RBFOX1: variants seen among roughly 807,000 people sequenced by gnomAD.
RBFOX1 encodes RNA binding fox-1 homolog 1.
A neutral mutation model predicts 57.7 loss-of-function variants in RBFOX1; 8 were observed. The observed-to-expected ratio is 0.14, with a 90% CI of 0.08 to 0.25. RBFOX1 has a LOEUF of 0.25. RBFOX1 is among the 10% of genes least tolerant of loss of function. RBFOX1 has a pLI of 1.00. For synonymous variants in RBFOX1, 326 were observed against 222.4 expected (o/e 1.47, Z -4.15); for missense variants, 611 against 548.5 (o/e 1.11, Z -1.14).
At chr16:6,819,532 C>G (rs1256707372) in intron 3 of RBFOX1, among the ~76,000 whole-genome samples, 2 of 151,472 alleles carry the variant, frequency 1.3e-5, no homozygotes, top group Non-Finnish European at 2.9e-5. Flanking sequence ...GGAGAAAACC[C>G]ATCTCTACTA....
intron 2 of RBFOX1, among the ~76,000 whole-genome samples, chr16:6,569,060 G>A (rs2097307484): frequency 1.3e-5 from 2 of 152,122 alleles, no homozygotes; most frequent in Admixed American, 1.3e-4. Flanking sequence ...GATAGCTCTT[G>A]GATAATATGC....
At chr16:7,537,488 A>G (rs143371675) in intron 5 of RBFOX1, among the ~76,000 whole-genome samples, 1,558 of 151,810 alleles carry the variant, frequency 0.01, 17 homozygotes, top group Non-Finnish European at 0.016. Context: ...ACTTAGTAAT[A>G]TGTCTGACTC....
At chr16:7,550,287 A>G (rs1053354897) in intron 5 of RBFOX1, among the ~76,000 whole-genome samples, 1 of 150,650 alleles carries the variant, frequency 6.6e-6, no homozygotes, top group African/African-American at 2.4e-5. Flanking sequence ...AATACCCTTG[A>G]GTTCCGGAGA....
intron 1 of RBFOX1, among the ~76,000 whole-genome samples, chr16:6,277,217 T>C (rs1158731046): frequency 6.6e-6 from 1 of 152,056 alleles, no homozygotes; most frequent in Non-Finnish European, 1.5e-5. Flanking sequence ...TCCCAGCACT[T>C]TGAGTGGCCA....
intron 4 of RBFOX1, among the ~76,000 whole-genome samples, chr16:5,883,323 C>T (rs982155920): frequency 2.6e-5 from 4 of 151,980 alleles, no homozygotes; most frequent in African/African-American, 4.8e-5. Flanking sequence ...TCTCTTACCC[C>T]GAAAGAGAAA....
chr16:7,143,488 A>G (rs1267290529), intron 4 of RBFOX1, among the ~76,000 whole-genome samples: 1 of 152,156 alleles, frequency 6.6e-6, no homozygotes, highest in Non-Finnish European at 1.5e-5. Flanking sequence ...AAAATTAGCC[A>G]TATTCCCATA....
intron 3 of RBFOX1, among the ~76,000 whole-genome samples, chr16:6,922,325 G>A (rs572567202): frequency 8.5e-5 from 13 of 152,180 alleles, no homozygotes; most frequent in East Asian, 1.9e-4. Context: ...CCGAGTGTCC[G>A]GTGGTAATGG....
intron 3 of RBFOX1, among the ~76,000 whole-genome samples, chr16:6,796,267 C>T (rs908359289): frequency 1.3e-5 from 2 of 152,142 alleles, no homozygotes; most frequent in Admixed American, 1.3e-4. Context: ...CCCCGTAATT[C>T]AGTCAACTCT....
At chr16:7,592,087 G>A (rs1216340528) in intron 7 of RBFOX1, among the ~76,000 whole-genome samples, 2 of 152,068 alleles carry the variant, frequency 1.3e-5, no homozygotes, top group African/African-American at 4.8e-5. Context: ...GGAACAGGTA[G>A]GAAAGTCTGT....
At chr16:6,477,757 C>T (rs1323750596) in intron 2 of RBFOX1, among the ~76,000 whole-genome samples, 2 of 152,160 alleles carry the variant, frequency 1.3e-5, no homozygotes, top group Non-Finnish European at 2.9e-5. Context: ...CCATCTTCTT[C>T]CAAGAGAAGA....
At chr16:6,242,096 T>A (rs910208943) in intron 1 of RBFOX1, among the ~76,000 whole-genome samples, 1 of 152,222 alleles carries the variant, frequency 6.6e-6, no homozygotes, top group Admixed American at 6.5e-5. Flanking sequence ...AGGTGGTTTT[T>A]AATGTATCTT....
intron 3 of RBFOX1, among the ~76,000 whole-genome samples, chr16:6,716,704 T>A (rs1477958210): frequency 6.6e-6 from 1 of 152,204 alleles, no homozygotes; most frequent in African/African-American, 2.4e-5. Flanking sequence ...GGCCTTGATG[T>A]TTGGTTCACC....
intron 3 of RBFOX1, among the ~76,000 whole-genome samples, chr16:6,793,117 G>A (rs989363245): frequency 8.6e-4 from 131 of 151,930 alleles, no homozygotes; most frequent in African/African-American, 2.9e-3. Context: ...TTCATGGTAC[G>A]CCTGCTGTCA....
intron 1 of RBFOX1, among the ~76,000 whole-genome samples, chr16:6,183,238 T>C (rs2097078755): frequency 1.3e-5 from 2 of 151,944 alleles, no homozygotes; most frequent in Non-Finnish European, 1.5e-5. Flanking sequence ...CCCAGCACTT[T>C]GGGAGGCCAA....
At chr16:6,476,528 G>A (rs2095274900) in intron 2 of RBFOX1, among the ~76,000 whole-genome samples, 2 of 152,172 alleles carry the variant, frequency 1.3e-5, no homozygotes, top group Non-Finnish European at 2.9e-5. Flanking sequence ...AAAACGACGT[G>A]CATACCTTAA....
chr16:5,306,162 T>A (rs1353032208), intron 1 of RBFOX1, among the ~76,000 whole-genome samples: 1 of 152,042 alleles, frequency 6.6e-6, no homozygotes, highest in African/African-American at 2.4e-5. Context: ...GGTCATGCCA[T>A]TGCACTCCAG....
chr16:6,342,772 A>C (rs1373113383), intron 2 of RBFOX1, among the ~76,000 whole-genome samples: 1 of 152,152 alleles, frequency 6.6e-6, no homozygotes, highest in Non-Finnish European at 1.5e-5. Context: ...TAGGAACCTT[A>C]TCAAGGTTAT....
At chr16:5,868,171 A>G (rs1368382948) in intron 4 of RBFOX1, among the ~76,000 whole-genome samples, 1 of 152,168 alleles carries the variant, frequency 6.6e-6, no homozygotes, top group Non-Finnish European at 1.5e-5. Context: ...CTCCTGCAAA[A>G]TATGCCCAGC....
At chr16:5,346,078 C>T (rs2065133238) in intron 1 of RBFOX1, among the ~76,000 whole-genome samples, 1 of 152,170 alleles carries the variant, frequency 6.6e-6, no homozygotes. Context: ...TCCAGCAGCC[C>T]ACTACCTGGT....
Sources: allele counts gnomAD v4.1 joint callset (sites outside exome capture counted in the v4.1 genomes callset), GRCh38; gene constraint gnomAD v4.1.1; transcripts MANE v1.5; gene names NCBI Gene and HGNC (gene_info 2026-07-23, HGNC 2026-07-21).